Variants in CTIF observed in about 807,000 individuals in gnomAD.
CTIF encodes cap binding complex dependent translation initiation factor, also known as CBP80/20-dependent translation initiation factor.
In CTIF, 21 loss-of-function variants were observed where a neutral mutation model predicts 66.0. The observed-to-expected ratio is 0.32, with a 90% CI of 0.23 to 0.46. The LOEUF (loss-of-function observed/expected upper bound fraction) is 0.46, where lower values mean the gene tolerates loss of function less well. Among genes scored for constraint, CTIF ranks in the 20% least tolerant of loss-of-function variants. CTIF has a pLI of 1.00. For missense variants in CTIF, 739 were observed against 812.7 expected (o/e 0.91, Z 1.10); for synonymous variants, 345 against 326.4 (o/e 1.06, Z -0.62).
chr18:48,541,295 C>T (rs1173044564), intron 1 of CTIF, among the ~76,000 whole-genome samples: 1 of 152,202 alleles, frequency 6.6e-6, no homozygotes, highest in African/African-American at 2.4e-5. Context: ...GTCCAGGGGC[C>T]CGCGCGACCA....
intron 10 of CTIF, among the ~76,000 whole-genome samples, chr18:48,845,781 T>G (rs2069057536): frequency 6.6e-6 from 1 of 152,214 alleles, no homozygotes; most frequent in Admixed American, 6.5e-5. Flanking sequence ...ATATTGTTGA[T>G]GGCATCATCA....
intron 3 of CTIF, among the ~76,000 whole-genome samples, chr18:48,638,567 A>T (rs115912888): frequency 6.6e-6 from 1 of 152,166 alleles, no homozygotes; most frequent in African/African-American, 2.4e-5. Flanking sequence ...GAGGTCATGT[A>T]GGGGTTCGCC....
chr18:48,843,562 C>T (rs1381203777), intron 10 of CTIF, among the ~76,000 whole-genome samples: 1 of 152,122 alleles, frequency 6.6e-6, no homozygotes, highest in Non-Finnish European at 1.5e-5. Context: ...AATGGGGGCC[C>T]TGAGGCACGG....
Position 48,761,264 on chromosome 18 carries a change from C to T in CTIF, c.1072-126C>T, listed in dbSNP as rs571955236. The T allele has an allele frequency of 4.7e-4, 399 of 856,466 alleles. 1 individual carries two copies. Among genetic ancestry groups the T allele is most frequent in the Non-Finnish European group, 6.8e-4 (381 of 560,306 alleles). 53.1% of individuals were successfully genotyped at this position (856,466 alleles called of 1,614,324 possible). On this transcript the variant is annotated intron_variant, in intron 8 of 11. Transcript: ENST00000256413. The surrounding 1 kb of genome is among the most constrained non-coding windows in gnomAD (Gnocchi z 4.2). Reference sequence around the variant, plus strand: ...GGTGGAGGTTCCCAGAGGGACCAGCCCTCAGATCCAGGGAAGTAGGCCTGG... The same window carrying T: ...GGTGGAGGTTCCCAGAGGGACCAGCTCTCAGATCCAGGGAAGTAGGCCTGG...
intron 6 of CTIF, chr18:48,682,902 G>A (rs546631187): frequency 6.6e-6 from 1 of 152,248 alleles, no homozygotes; most frequent in Admixed American, 6.5e-5. Context: ...GTGACGCTGC[G>A]TATTTCCAGG....
intron 3 of CTIF, among the ~76,000 whole-genome samples, chr18:48,658,159 G>A (rs1033800933): frequency 3.3e-5 from 5 of 152,012 alleles, no homozygotes; most frequent in Non-Finnish European, 7.4e-5. Context: ...ATGTTTGTGT[G>A]TGATGTGTGT....
intron 3 of CTIF, among the ~76,000 whole-genome samples, chr18:48,645,251 G>C (rs2091005600): frequency 1.1e-5 from 1 of 88,340 alleles, no homozygotes; most frequent in African/African-American, 4.0e-5. Flanking sequence ...CCCATACTTG[G>C]CACTAGGAAA....
At position 48,824,621 on chromosome 18, in the gene CTIF, CT is replaced by C. The variant is rs57385726; in HGVS notation, c.1527+7256del. On this transcript the variant is annotated intron_variant, in intron 10 of 11. Coordinates refer to ENST00000256413, the MANE Select transcript of CTIF (RefSeq NM_014772.3). Reference sequence around the variant, plus strand: ...TGGCAGGGGAATTTTCTTTTCTCTCCTTTTTTTTTTTGTTTTGTTTTTTGAT... The same window carrying C: ...TGGCAGGGGAATTTTCTTTTCTCTCCTTTTTTTTTTGTTTTGTTTTTTGAT... 2.2e-3 allele frequency among the ~76,000 whole-genome samples: 321 copies of C among 145,470 alleles called. 3 individuals are homozygous for C. Among genetic ancestry groups the C allele is most frequent in the African/African-American group, 5.5e-3 (219 of 39,946 alleles).
chr18:48,561,134 G>A (rs1485715729), intron 1 of CTIF, among the ~76,000 whole-genome samples: 1 of 151,544 alleles, frequency 6.6e-6, no homozygotes, highest in Non-Finnish European at 1.5e-5. Flanking sequence ...AGCTACATGG[G>A]AGGCTGAGGC....
At chr18:48,829,415 A>C (rs1323531373) in intron 10 of CTIF, among the ~76,000 whole-genome samples, 2 of 152,176 alleles carry the variant, frequency 1.3e-5, no homozygotes, top group African/African-American at 2.4e-5. Context: ...CAGAGATCAT[A>C]AACCGGGCAC....
intron 9 of CTIF, among the ~76,000 whole-genome samples, chr18:48,798,882 G>A (rs2067988626): frequency 6.6e-6 from 1 of 152,198 alleles, no homozygotes; most frequent in Non-Finnish European, 1.5e-5. Flanking sequence ...CATTGAGTGG[G>A]CAGATGCCTA....
chr18:48,854,738 T>G (rs1011376437), intron 10 of CTIF, among the ~76,000 whole-genome samples: 1 of 151,964 alleles, frequency 6.6e-6, no homozygotes, highest in Non-Finnish European at 1.5e-5. Context: ...CTGGGCAACA[T>G]AGAGAGACCC....
At chr18:48,621,482 C>T (rs2090492588) in intron 2 of CTIF, 1 of 327,756 alleles carries the variant, frequency 3.1e-6, no homozygotes, top group Non-Finnish European at 5.8e-6. Flanking sequence ...AGGTGCGAGT[C>T]CTGAGCCCTG....
chr18:48,763,068 G>A (rs1181451095), intron 9 of CTIF, among the ~76,000 whole-genome samples: 2 of 152,242 alleles, frequency 1.3e-5, no homozygotes, highest in South Asian at 2.1e-4. Context: ...TGTTCCTCGC[G>A]GGCCGGAATG....
chr18:48,746,415 C>T (rs894675320), intron 7 of CTIF, among the ~76,000 whole-genome samples: 1 of 151,484 alleles, frequency 6.6e-6, no homozygotes, highest in African/African-American at 2.4e-5. Flanking sequence ...TGAAGTACTC[C>T]GTGCATACTG....
intron 9 of CTIF, among the ~76,000 whole-genome samples, chr18:48,811,099 C>A (rs919123796): frequency 2.0e-5 from 3 of 152,056 alleles, no homozygotes; most frequent in Non-Finnish European, 2.9e-5. Context: ...AGACTTCTAT[C>A]CCCTTCCCAC....
In CTIF at chr18:48,756,092, G is replaced by A. The variant is rs151248193; in HGVS notation, c.585-1827G>A. On this transcript the variant is annotated intron_variant, in intron 7 of 11. Coordinates refer to ENST00000256413, the MANE Select transcript of CTIF (RefSeq NM_014772.3). ...TCCACTCTTTCTAGCCAGAGGACCAGGGAAGGGGCAGCCTAGCAAGACAGA... is the reference window on the plus strand; with the variant it reads ...TCCACTCTTTCTAGCCAGAGGACCAAGGAAGGGGCAGCCTAGCAAGACAGA... The A allele has an allele frequency of 3.9e-5, 6 of 152,354 alleles. No homozygotes were observed. In the East Asian group the frequency reaches 1.2e-3, roughly 29 times the overall value. 9.4% of individuals were successfully genotyped at this position (152,354 alleles called of 1,614,324 possible). A position where few individuals can be genotyped will look rare whatever the true frequency, so the allele number is the denominator to read the frequency against.
intron 1 of CTIF, among the ~76,000 whole-genome samples, chr18:48,610,545 C>T (rs1217894224): frequency 6.6e-6 from 1 of 152,192 alleles, no homozygotes; most frequent in African/African-American, 2.4e-5. Flanking sequence ...GAGGCACCCC[C>T]CGGGGACTGA....
chr18:48,757,026 G>A (rs369362384), intron 7 of CTIF, among the ~76,000 whole-genome samples: 1 of 152,080 alleles, frequency 6.6e-6, no homozygotes, highest in African/African-American at 2.4e-5. Flanking sequence ...GTGTCGGTGG[G>A]GTTGGTTTCT....
Sources: allele counts gnomAD v4.1 joint callset (sites outside exome capture counted in the v4.1 genomes callset), GRCh38; gene constraint gnomAD v4.1.1; non-coding constraint Gnocchi (gnomAD v3.1); transcripts MANE v1.5; gene names NCBI Gene and HGNC (gene_info 2026-07-23, HGNC 2026-07-21).